KIAA1217: variants seen among roughly 807,000 people sequenced by gnomAD.
KIAA1217 encodes sickle tail protein homolog.
A neutral mutation model predicts 163.9 loss-of-function variants in KIAA1217; 88 were observed. That is an observed-to-expected ratio of 0.54 (90% CI 0.45 to 0.64). The LOEUF is 0.64. KIAA1217 is among the 30% of genes least tolerant of loss of function. The pLI, the probability that KIAA1217 is intolerant of heterozygous loss-of-function variation, is 0.00. For missense variants in KIAA1217, 2,372 were observed against 2,475.0 expected (o/e 0.96, Z 0.88); for synonymous variants, 903 against 923.1 (o/e 0.98, Z 0.39).
chr10:23,814,033 C>G (rs1019998270), intron 1 of KIAA1217, among the ~76,000 whole-genome samples: 4 of 152,094 alleles, frequency 2.6e-5, no homozygotes, highest in African/African-American at 9.7e-5. Flanking sequence ...ATATCCATGA[C>G]TTTTTGGTGA....
intron 2 of KIAA1217, among the ~76,000 whole-genome samples, chr10:24,291,458 A>G (rs2079083301): frequency 6.6e-6 from 1 of 152,204 alleles, no homozygotes; most frequent in Non-Finnish European, 1.5e-5. Context: ...TGAACCTGGG[A>G]GGCGGAGGTT....
chr10:24,171,092 G>A (rs1185495889), intron 2 of KIAA1217, among the ~76,000 whole-genome samples: 4 of 152,226 alleles, frequency 2.6e-5, no homozygotes, highest in Non-Finnish European at 5.9e-5. Flanking sequence ...TCTGCCAAGA[G>A]CAAAGAAGGC....
rs139819463 is a variant in KIAA1217 at position 24,187,088 on chromosome 10, G to A, written c.-170-32538G>A. On this transcript the variant is annotated intron_variant, in intron 2 of 18. Coordinates refer to the KIAA1217 transcript ENST00000376462. The stretch of plus-strand genomic sequence containing the variant: ...TATTGATCTGCCTTTGAGACTCTCC[G>A]TACAGCCCTGGTCTGCCAGTCTGAC... Among the ~76,000 whole-genome samples, 880 of 152,102 alleles carry A rather than the reference G, an allele frequency of 5.8e-3. 6 individuals are homozygous for A. Among genetic ancestry groups the A allele is most frequent in the East Asian group, 0.023 (120 of 5,176 alleles).
In KIAA1217 at chr10:23,756,046, TC is replaced by T. The variant is rs1375331442; in HGVS notation, c.-321+60815del. On this transcript the variant is annotated intron_variant, in intron 1 of 18. Transcript: ENST00000376462. Reference sequence around the variant, plus strand: ...ATCATAGCTCACTGCAGCCTCAAACTCCCAGGATCAAGGGATCTTCCCACTT... The same window carrying T: ...ATCATAGCTCACTGCAGCCTCAAACTCCAGGATCAAGGGATCTTCCCACTT... Among the ~76,000 whole-genome samples the T allele has an allele frequency of 9.9e-5, 15 of 151,836 alleles. 1 individual carries two copies. In the East Asian group the frequency reaches 2.9e-3, roughly 30 times the overall value.
At chr10:24,276,434 G>T (rs1034052526) in intron 2 of KIAA1217, among the ~76,000 whole-genome samples, 1 of 152,054 alleles carries the variant, frequency 6.6e-6, no homozygotes, top group Non-Finnish European at 1.5e-5. Flanking sequence ...AGGAAAACTG[G>T]GTTTGAATTT....
intron 1 of KIAA1217, among the ~76,000 whole-genome samples, chr10:23,928,629 T>C (rs1354666294): frequency 6.6e-6 from 1 of 152,152 alleles, no homozygotes; most frequent in Non-Finnish European, 1.5e-5. Context: ...AAACGGTCAA[T>C]GAGCAAGGAA....
chr10:23,856,261 T>C (rs1839654507), intron 1 of KIAA1217, among the ~76,000 whole-genome samples: 1 of 152,180 alleles, frequency 6.6e-6, no homozygotes, highest in Non-Finnish European at 1.5e-5. Flanking sequence ...TCTGTTGGAG[T>C]TTGCTAGAGG....
intron 2 of KIAA1217, among the ~76,000 whole-genome samples, chr10:24,031,919 GTTTTGCTCATGA>G (rs1848203178): frequency 1.3e-5 from 2 of 152,006 alleles, no homozygotes; most frequent in Admixed American, 1.3e-4. Context: ...GGTTTATTCA[GTTTTGCTCATGA>G]TTTTGCATAC....
chr10:23,986,044 T>C (rs1002404809), intron 1 of KIAA1217, among the ~76,000 whole-genome samples: 1 of 152,216 alleles, frequency 6.6e-6, no homozygotes, highest in Non-Finnish European at 1.5e-5. Context: ...TCTAATATAA[T>C]TGTTTAATGT....
At chr10:24,142,301 G>T (rs1314115608) in intron 2 of KIAA1217, among the ~76,000 whole-genome samples, 1 of 152,140 alleles carries the variant, frequency 6.6e-6, no homozygotes, top group Non-Finnish European at 1.5e-5. Flanking sequence ...AATTGAGGGG[G>T]CTACATGATG....
At position 23,919,772 on chromosome 10, in the gene KIAA1217, C is replaced by A. The variant is rs561149953; in HGVS notation, c.-320-87453C>A. Reference sequence around the variant, plus strand: ...CAAGGCTTTAGTTCCAAACCCTATTCTTTCGGTGCTACCCAAAGAGAGCTG... The same window carrying A: ...CAAGGCTTTAGTTCCAAACCCTATTATTTCGGTGCTACCCAAAGAGAGCTG... On this transcript the variant is annotated intron_variant, in intron 1 of 18. Transcript: ENST00000376462. Among the ~76,000 whole-genome samples, 4 of 152,254 alleles carry A rather than the reference C, an allele frequency of 2.6e-5. No individual in the cohort carries two copies. In the East Asian group the frequency reaches 7.7e-4, roughly 29 times the overall value.
intron 3 of KIAA1217, among the ~76,000 whole-genome samples, chr10:24,391,367 C>T (rs1403363664): frequency 5.9e-5 from 5 of 85,136 alleles, no homozygotes; most frequent in African/African-American, 1.5e-4. Flanking sequence ...TTTTGTGAGA[C>T]GGAGTTTTGC....
intron 1 of KIAA1217, among the ~76,000 whole-genome samples, chr10:23,966,829 G>A (rs1845085685): frequency 6.6e-6 from 1 of 152,082 alleles, no homozygotes; most frequent in South Asian, 2.1e-4. Flanking sequence ...AATTCTTTTT[G>A]GGCAGGGATT....
At chr10:24,126,164 AT>A (rs1192214804) in intron 2 of KIAA1217, among the ~76,000 whole-genome samples, 1 of 152,128 alleles carries the variant, frequency 6.6e-6, no homozygotes, top group East Asian at 1.9e-4. Context: ...AACGTGTTGA[AT>A]TTTTTGTTTG....
chr10:24,240,660 G>T (rs1971495), intron 2 of KIAA1217, among the ~76,000 whole-genome samples: 1 of 152,188 alleles, frequency 6.6e-6, no homozygotes, highest in Non-Finnish European at 1.5e-5. Context: ...AAAATGGGAT[G>T]CCAGTAGCTA....
At chr10:24,258,739 C>T (rs2075422412) in intron 2 of KIAA1217, among the ~76,000 whole-genome samples, 1 of 152,108 alleles carries the variant, frequency 6.6e-6, no homozygotes, top group African/African-American at 2.4e-5. Context: ...ACTACAGGCG[C>T]CCGCCACCAA....
chr10:23,947,726 G>C (rs1357889117), intron 1 of KIAA1217, among the ~76,000 whole-genome samples: 2 of 152,200 alleles, frequency 1.3e-5, no homozygotes, highest in African/African-American at 4.8e-5. Context: ...TTGAGACACA[G>C]ATGGGAACCC....
chr10:24,175,590 G>A (rs574123400), intron 2 of KIAA1217, among the ~76,000 whole-genome samples: 3 of 152,100 alleles, frequency 2.0e-5, no homozygotes, highest in Non-Finnish European at 4.4e-5. Context: ...CGGAATTGGT[G>A]GGTTCTTGGG....
At chr10:24,229,135 G>T (rs12412151) in intron 2 of KIAA1217, among the ~76,000 whole-genome samples, 1 of 151,928 alleles carries the variant, frequency 6.6e-6, no homozygotes, top group Non-Finnish European at 1.5e-5. Context: ...CAAAATTTAC[G>T]TACATGCATC....
Sources: allele counts gnomAD v4.1 joint callset (sites outside exome capture counted in the v4.1 genomes callset), GRCh38; gene constraint gnomAD v4.1.1; transcripts MANE v1.5; gene names NCBI Gene and HGNC (gene_info 2026-07-23, HGNC 2026-07-21).